Variants in ZNF99 observed in about 807,000 individuals in gnomAD.
The protein encoded by ZNF99 is zinc finger protein 99, also known as zinc finger protein ENSP00000375192.
In ZNF99, 8 loss-of-function variants were observed where a neutral mutation model predicts 12.8. The observed-to-expected ratio is 0.62, with a 90% CI of 0.37 to 1.13. The LOEUF (loss-of-function observed/expected upper bound fraction) is 1.13, where lower values mean the gene tolerates loss of function less well. Ranked by LOEUF, ZNF99 falls within the 50% of genes most tolerant of loss-of-function variation. ZNF99 has a pLI of 0.02. For missense variants in ZNF99, 1,007 were observed against 1,006.2 expected (o/e 1.00, Z -0.01); for synonymous variants, 318 against 319.0 (o/e 1.00, Z 0.03).
chr19:22,758,517 A>T lies in ZNF99; in HGVS notation c.1392T>A (p.Asn464Lys), dbSNP rs771835635. 2.8e-5 allele frequency: 45 copies of T among 1,612,080 alleles called. No individual in the cohort carries two copies. The highest frequency in any genetic ancestry group is 3.6e-5 in the Non-Finnish European group (42 of 1,179,488). Residue 464 changes from asparagine (N) to lysine (K), a missense_variant, in exon 4 of 4, where the codon AAT (asparagine) becomes AAA (lysine). Physicochemically the swap from Asn to Lys is moderately conservative, Grantham distance 94. Coordinates refer to ENST00000596209, the MANE Select transcript of ZNF99 (RefSeq NM_001080409.3). ...KCEECSKAFS[N>K]FSALRKHEII... ...TCTCATGTTTTCTAAGGGCTGAAAA[A>T]TTGCTAAAAGCTTTGCTGCATTCTT... is the stretch of plus-strand genomic sequence containing the variant.
At chr19:22,767,904 C>T (rs1599445459) in intron 3 of ZNF99, among the ~76,000 whole-genome samples, 1 of 151,974 alleles carries the variant, frequency 6.6e-6, no homozygotes, top group Non-Finnish European at 1.5e-5. Context: ...TAGTGGAAAG[C>T]GAAGAGAAAC....
Position 22,758,328 on chromosome 19 carries a change from A to G in ZNF99, c.1581T>C (p.His527=). The part of the protein sequence containing the change: ...AFKHFSALRK[H]KIIHTGKKPY... ...GTTTCTTTCCAGTATGAATTATCTTATGTTTTCTAAGGGCTGAGAAATGCT... is the reference window on the plus strand; with the variant it reads ...GTTTCTTTCCAGTATGAATTATCTTGTGTTTTCTAAGGGCTGAGAAATGCT... Residue 527 remains histidine, a synonymous_variant, in exon 4 of 4, where the codon CAT becomes CAC. Transcript: ENST00000596209. The G allele has an allele frequency of 6.2e-7, 1 of 1,613,448 alleles. No homozygotes were observed. The highest frequency in any genetic ancestry group is 8.5e-7 in the Non-Finnish European group (1 of 1,179,712).
rs1340641286 is a variant in ZNF99, at chr19:22,756,977, ATTATC to A, written c.*332_*336del. On this transcript the variant is annotated 3_prime_UTR_variant, in exon 4 of 4. Transcript: ENST00000596209. ...TTTGTATGGTTTCTCCCCAGTATGA[ATTATC>A]TTATGTTTCCTAAGGGCTGAGAAAT... is the stretch of plus-strand genomic sequence containing the variant. 6.2e-7 allele frequency: 1 copy of A among 1,612,242 alleles called. No individual in the cohort carries two copies. The highest frequency in any genetic ancestry group is 2.2e-5 in the East Asian group (1 of 44,806).
At position 22,753,237 on chromosome 19, in the gene ZNF99, T is replaced by C. The variant is rs1196310620; in HGVS notation, c.*4077A>G. 6.6e-6 allele frequency: 1 copy of C among 151,962 alleles called. No homozygotes were observed. The highest frequency in any genetic ancestry group is 1.5e-5 in the Non-Finnish European group (1 of 67,966). The allele number at this position is 151,962 out of a possible 1,614,324, so 9.4% of individuals were successfully genotyped here. A position where few individuals can be genotyped will look rare whatever the true frequency, so the allele number is the denominator to read the frequency against. ...AATGTAATTATAATTCTCCAAAAAA[T>C]CACCTCCTCTTTTTTAAGTTATATG... On this transcript the variant is annotated 3_prime_UTR_variant, in exon 4 of 4. Coordinates refer to ENST00000596209, the MANE Select transcript of ZNF99 (RefSeq NM_001080409.3).
At position 22,758,509 on chromosome 19, in the gene ZNF99, G is replaced by T. The variant is rs747838773; in HGVS notation, c.1400C>A (p.Ala467Asp). Reference protein sequence around the residue: ...ECSKAFSNFSALRKHEIIHTG... With the variant: ...ECSKAFSNFSDLRKHEIIHTG... ...ATGAATTATCTCATGTTTTCTAAGG[G>T]CTGAAAAATTGCTAAAAGCTTTGCT... Residue 467 changes from alanine to aspartate, a missense_variant, in exon 4 of 4, where the codon GCC becomes GAC. Ala to Asp is a moderately radical substitution (Grantham distance 126). Coordinates refer to ENST00000596209, the MANE Select transcript of ZNF99 (RefSeq NM_001080409.3). The T allele has an allele frequency of 1.9e-6, 3 of 1,612,390 alleles. No homozygotes were observed. The highest frequency in any genetic ancestry group is 1.7e-4 in the Middle Eastern group (1 of 6,042).
rs754907706 is a variant in ZNF99 at position 22,758,891 on chromosome 19, G to A, written c.1018C>T (p.Pro340Ser). ...TTGCCACATTCTTCACATTTGTAGGGTTTCTTTCCAGTATGAATTATCTGA... is the reference window on the plus strand; with the variant it reads ...TTGCCACATTCTTCACATTTGTAGGATTTCTTTCCAGTATGAATTATCTGA... The part of the protein sequence containing the change: ...KHQIIHTGKK[P>S]YKCEECGKAF... The change falls in exon 4 of 4, where the codon CCC becomes TCC. Residue 340 changes from proline (P) to serine (S), a missense_variant. By Grantham distance (74) the Pro-to-Ser change is moderately conservative. Transcript: ENST00000596209. 5 of 1,613,668 alleles carry A rather than the reference G, an allele frequency of 3.1e-6. No homozygotes were observed. Among genetic ancestry groups the A allele is most frequent in the Non-Finnish European group, 4.2e-6 (5 of 1,179,884 alleles).
At chr19:22,769,168 T>G (rs1205518118) in intron 2 of ZNF99, 30 bp downstream of exon 2, 1 of 1,591,314 alleles carries the variant, frequency 6.3e-7, no homozygotes, top group Non-Finnish European at 8.6e-7. Context: ...TAGAATATAA[T>G]AGGAATTGCT....
Position 22,757,328 on chromosome 19 carries a change from C to T in ZNF99, c.2581G>A (p.Glu861Lys), listed in dbSNP as rs1197598646. The change falls in exon 4 of 4, where the codon GAA (glutamate) becomes AAA (lysine). Residue 861 changes from glutamate to lysine, a missense_variant. Coordinates refer to ENST00000596209, the MANE Select transcript of ZNF99 (RefSeq NM_001080409.3). ...TCCAGTATGAATTATCTCATGTTTT[C>T]TAAGGGCTGAGAAATGTTTAAAAGC... Reference protein sequence around the residue: ...AKLLNISQPLENMR With the variant: ...AKLLNISQPLKNMR 13 of 1,611,940 alleles carry T rather than the reference C, an allele frequency of 8.1e-6. No homozygotes were observed. Among genetic ancestry groups the T allele is most frequent in the Admixed American group, 1.7e-5 (1 of 59,882 alleles).
chr19:22,770,485 T>A (rs979083997), intron 1 of ZNF99: 3 of 152,262 alleles, frequency 2.0e-5, no homozygotes, highest in African/African-American at 4.8e-5. Context: ...GCCTCCCGGG[T>A]AGCTGGGACT....
rs34161305 is a variant in ZNF99, at chr19:22,755,073, CAAAAAAAA to C, written c.*2233_*2240del. ...GGGCAACTAGGGCGAAACTCTGTTTCAAAAAAAAAAAAAAAAAAATTGAAGAATGCTTA... is the reference window on the plus strand; with the variant it reads ...GGGCAACTAGGGCGAAACTCTGTTTCAAAAAAAAAAATTGAAGAATGCTTA... On this transcript the variant is annotated 3_prime_UTR_variant, in exon 4 of 4. Coordinates refer to ENST00000596209, the MANE Select transcript of ZNF99 (RefSeq NM_001080409.3). The C allele has an allele frequency of 5.2e-4, 77 of 146,900 alleles. No homozygotes were observed. Among genetic ancestry groups the C allele is most frequent in the Middle Eastern group, 3.8e-3 (1 of 266 alleles). The allele number at this position is 146,900 out of a possible 1,614,324, so 9.1% of individuals were successfully genotyped here.
chr19:22,760,170 C>T (rs920371174), intron 3 of ZNF99, among the ~76,000 whole-genome samples: 3 of 152,076 alleles, frequency 2.0e-5, no homozygotes, highest in African/African-American at 4.8e-5. Flanking sequence ...TGGTGGCACA[C>T]GTCTGTAGTC....
At chr19:22,765,201 G>A (rs1973190968) in intron 3 of ZNF99, among the ~76,000 whole-genome samples, 1 of 152,018 alleles carries the variant, frequency 6.6e-6, no homozygotes, top group Non-Finnish European at 1.5e-5. Context: ...GATAAGATTA[G>A]AGGCTATCCT....
intron 1 of ZNF99, among the ~76,000 whole-genome samples, chr19:22,779,352 G>A (rs1021007485): frequency 2.6e-5 from 4 of 151,768 alleles, no homozygotes; most frequent in East Asian, 2.0e-4. Context: ...GGTGAAACAC[G>A]GTCTCTACTA....
chr19:22,762,052 T>C (rs1413424753), intron 3 of ZNF99, among the ~76,000 whole-genome samples: 2 of 151,448 alleles, frequency 1.3e-5, no homozygotes, highest in Non-Finnish European at 2.9e-5. Context: ...GAACACAAAA[T>C]GACACTCTTG....
intron 1 of ZNF99, among the ~76,000 whole-genome samples, chr19:22,777,377 T>A (rs1029102061): frequency 6.6e-6 from 1 of 152,028 alleles, no homozygotes; most frequent in African/African-American, 2.4e-5. Flanking sequence ...ACACACACCC[T>A]TCTAGTTAAG....
chr19:22,753,528 A>T lies in ZNF99; in HGVS notation c.*3786T>A, dbSNP rs576799666. On this transcript the variant is annotated 3_prime_UTR_variant, in exon 4 of 4. Coordinates refer to ENST00000596209, the MANE Select transcript of ZNF99 (RefSeq NM_001080409.3). The stretch of plus-strand genomic sequence containing the variant: ...TATTATACATTCCCTGATATTGAAC[A>T]AAGTTTGAGCAACTTTAGGGTTTTT... 1 of 152,280 alleles carries T rather than the reference A, an allele frequency of 6.6e-6. No individual in the cohort carries two copies. Among genetic ancestry groups the T allele is most frequent in the South Asian group, 2.1e-4 (1 of 4,822 alleles). 9.4% of individuals were successfully genotyped at this position (152,280 alleles called of 1,614,324 possible).
At chr19:22,783,869 A>T in intron 1 of ZNF99, 145 bp downstream of exon 1, 6 of 1,071,190 alleles carry the variant, frequency 5.6e-6, no homozygotes, top group South Asian at 1.3e-5. Context: ...TTATGGCTGA[A>T]GGAGACTGAG....
intron 2 of ZNF99, 122 bp from the exon 3 acceptor site, chr19:22,768,522 ATT>A: frequency 1.3e-6 from 1 of 757,832 alleles, no homozygotes; most frequent in Non-Finnish European, 1.9e-6. Context: ...TATAACATAA[ATT>A]TCTAAATATT....
chr19:22,760,260 T>G (rs530508820), intron 3 of ZNF99, among the ~76,000 whole-genome samples: 54 of 152,236 alleles, frequency 3.5e-4, no homozygotes, highest in African/African-American at 1.3e-3. Context: ...GCTATTGTAC[T>G]CCAGCCAGCG....
Sources: allele counts gnomAD v4.1 joint callset (sites outside exome capture counted in the v4.1 genomes callset), GRCh38; gene constraint gnomAD v4.1.1; transcripts MANE v1.5; gene names NCBI Gene and HGNC (gene_info 2026-07-23, HGNC 2026-07-21).